Variants in TAF7L observed in about 807,000 individuals in gnomAD.
TAF7L encodes the protein TATA-box binding protein associated factor 7 like.
A neutral mutation model predicts 30.2 loss-of-function variants in TAF7L; 6 were observed. That is an observed-to-expected ratio of 0.20 (90% CI 0.11 to 0.39). TAF7L has a LOEUF of 0.39. Ranked by LOEUF, TAF7L falls within the 10% of genes least tolerant of loss-of-function variation. The probability of loss-of-function intolerance (pLI) is 1.00; values close to 1 mark genes in which losing one functional copy is unlikely to be tolerated. For synonymous variants in TAF7L, 93 were observed against 94.5 expected (o/e 0.98, Z 0.09); for missense variants, 284 against 277.1 (o/e 1.03, Z -0.18).
chrX:101,275,324 GA>G (rs199961591), intron 11 of TAF7L, 43 bp from the exon 12 acceptor site: 197,881 of 627,225 alleles, frequency 0.32, 11,508 homozygotes, highest in African/African-American at 0.51. Context: ...GAGTCTCAAA[GA>G]AAAAAAAAAA....
At position 101,286,665 on chromosome X, in the gene TAF7L, G is replaced by A; in HGVS notation, c.67-12C>T. ...GTACAAGCATGTTCCTAAAAAGGAG[G>A]TAAATTGAAAAATCAGAAGAACTAA... is the stretch of plus-strand genomic sequence containing the variant. On this transcript the variant is annotated splice_polypyrimidine_tract_variant and intron_variant, in intron 2 of 12. Coordinates refer to ENST00000356784, the MANE Select transcript of TAF7L (RefSeq NM_001168474.2). The A allele has an allele frequency of 8.5e-7, 1 of 1,178,179 alleles. No homozygotes were observed.
upstream of TAF7L, chrX:101,292,954 G>T (rs1221659962): frequency 1.7e-6 from 2 of 1,208,135 alleles, no homozygotes; most frequent in Admixed American, 4.4e-5. Context: ...AAGAATTTGG[G>T]GTTCTTGTTG....
At chrX:101,286,252 G>A (rs763456804) in intron 3 of TAF7L, among the ~76,000 whole-genome samples, 16 of 110,687 alleles carry the variant, frequency 1.4e-4, no homozygotes, top group African/African-American at 5.2e-4. Context: ...ACAAAGAATG[G>A]CATATCCATT....
chrX:101,275,919 A>G, intron 11 of TAF7L, 81 bp downstream of exon 11: 2 of 691,191 alleles, frequency 2.9e-6, no homozygotes, highest in Non-Finnish European at 4.4e-6. Flanking sequence ...AACCCTGCAC[A>G]GAGATAACAT....
At chrX:101,283,030 G>T (rs971920113) in intron 4 of TAF7L, among the ~76,000 whole-genome samples, 8 of 111,791 alleles carry the variant, frequency 7.2e-5, no homozygotes, top group Non-Finnish European at 1.3e-4. Context: ...CCAAAGTGTA[G>T]GGATTATAGG....
upstream of TAF7L, among the ~76,000 whole-genome samples, chrX:101,292,066 CG>C (rs1924827554): frequency 9.6e-6 from 1 of 103,666 alleles, no homozygotes; most frequent in African/African-American, 3.5e-5. Context: ...GTTGAAACCC[CG>C]TCTCTACTAA....
Position 101,276,070 on chromosome X carries a change from A to G in TAF7L, c.956T>C (p.Leu319Pro). The G allele has an allele frequency of 8.3e-7, 1 of 1,206,775 alleles. No individual in the cohort carries two copies. The highest frequency in any genetic ancestry group is 1.1e-6 in the Non-Finnish European group (1 of 893,959). The part of the protein sequence containing the change: ...QKQIEKKEKK[L>P]HKIQNKAQRQ... Reference sequence around the variant, plus strand: ...TTGTGCTTTATTCTGAATCTTATGGAGCTTTTTCTCCTTTTTCTCAATCTG... The same window carrying G: ...TTGTGCTTTATTCTGAATCTTATGGGGCTTTTTCTCCTTTTTCTCAATCTG... The change falls in exon 11 of 13, where the codon CTC (leucine) becomes CCC (proline). Residue 319 changes from leucine to proline, a missense_variant. Transcript: ENST00000356784.
At position 101,291,302 on chromosome X, in the gene TAF7L, GCGT is replaced by G. The variant is rs1312384638; in HGVS notation, c.-84_-82del. On this transcript the variant is annotated 5_prime_UTR_variant, in exon 1 of 13. Transcript: ENST00000356784. Reference sequence around the variant, plus strand: ...GGTCTGTGGGTTCCGGACGAACCGCGCGTGGGCTCCCGCGCGGAACGTAGAGGC... The same window carrying G: ...GGTCTGTGGGTTCCGGACGAACCGCGGGGCTCCCGCGCGGAACGTAGAGGC... The G allele has an allele frequency of 5.3e-6, 4 of 752,796 alleles. No homozygotes were observed. The African/African-American group carries it at 9.2e-5, about 17-fold the overall frequency. 62.0% of individuals were successfully genotyped at this position (752,796 alleles called of 1,213,427 possible). A position where few individuals can be genotyped will look rare whatever the true frequency, so the allele number is the denominator to read the frequency against.
At position 101,276,353 on chromosome X, in the gene TAF7L, A is replaced by G. The variant is rs1164319849; in HGVS notation, c.867T>C (p.Phe289=). ...TTGCCCTATACTGGCCAGATTCAAT[A>G]AACTCGGCCTGCAGCTGCCTTTCCA... ...EYLERQLQAE[F]IESGQYRANE... Residue 289 remains phenylalanine (F), a synonymous_variant, in exon 10 of 13, where the codon TTT becomes TTC. Coordinates refer to ENST00000356784, the MANE Select transcript of TAF7L (RefSeq NM_001168474.2). 9.1e-6 allele frequency: 11 copies of G among 1,209,010 alleles called. No individual in the cohort carries two copies. Among genetic ancestry groups the G allele is most frequent in the Non-Finnish European group, 1.2e-5 (11 of 895,065 alleles).
At position 101,281,765 on chromosome X, in the gene TAF7L, T is replaced by C. The variant is rs1602957498; in HGVS notation, c.417A>G (p.Pro139=). ...KCVWKHGITP[P]LKNVRKKRFR... ...ACCTTTTCTTTCTGACATTCTTAAG[T>C]GGTGGCGTAACTAAAATAAATACAA... The change falls in exon 6 of 13, where the codon CCA becomes CCG. Residue 139 remains proline (P), a synonymous_variant. Transcript: ENST00000356784. 52 of 1,209,673 alleles carry C rather than the reference T, an allele frequency of 4.3e-5. 3 individuals carry two copies. Among genetic ancestry groups the C allele is most frequent in the African/African-American group, 3.1e-4 (18 of 57,653 alleles).
intron 5 of TAF7L, 108 bp from the exon 6 acceptor site, chrX:101,281,883 T>C (rs1602957597): frequency 5.7e-6 from 3 of 526,364 alleles, no homozygotes; most frequent in Non-Finnish European, 5.6e-6. Flanking sequence ...ATGACATCAC[T>C]CCTTTTTTTT....
chrX:101,282,886 C>A (rs953229104), intron 4 of TAF7L, among the ~76,000 whole-genome samples: 1 of 111,081 alleles, frequency 9.0e-6, no homozygotes, highest in Non-Finnish European at 1.9e-5. Context: ...CCACCTCAAT[C>A]TCTAGAATAG....
upstream of TAF7L, among the ~76,000 whole-genome samples, chrX:101,291,850 G>A (rs1286537850): frequency 7.4e-5 from 7 of 94,828 alleles, no homozygotes; most frequent in African/African-American, 2.3e-4. Context: ...TGGCGACAGA[G>A]TGAGACTCTG....
chrX:101,281,710 T>C lies in TAF7L; in HGVS notation c.462+10A>G, dbSNP rs1924412645. ...CGGCCCGGCAGACACACAAATAGCA[T>C]GTAACTAACCTTTTTTTGTGTTTTC... On this transcript the variant is annotated intron_variant, in intron 6 of 12. Transcript: ENST00000356784. 4 of 1,209,478 alleles carry C rather than the reference T, an allele frequency of 3.3e-6. No individual in the cohort carries two copies. The highest frequency in any genetic ancestry group is 1.7e-5 in the African/African-American group (1 of 57,708).
chrX:101,275,301 A>G lies in TAF7L; in HGVS notation c.1027-20T>C, dbSNP rs1278022927. Reference sequence around the variant, plus strand: ...ATGATTCTGAAAAATAAATTGTATAAATGATGAACACTGAGTCTCAAAGAA... The same window carrying G: ...ATGATTCTGAAAAATAAATTGTATAGATGATGAACACTGAGTCTCAAAGAA... On this transcript the variant is annotated intron_variant, in intron 11 of 12. Coordinates refer to ENST00000356784, the MANE Select transcript of TAF7L (RefSeq NM_001168474.2). The G allele has an allele frequency of 1.9e-6, 2 of 1,058,273 alleles. No individual in the cohort carries two copies. Among genetic ancestry groups the G allele is most frequent in the Non-Finnish European group, 2.5e-6 (2 of 785,486 alleles). The allele number at this position is 1,058,273 out of a possible 1,213,427, so 87.2% of individuals were successfully genotyped here.
At chrX:101,282,139 G>A (rs1223476125) in intron 5 of TAF7L, among the ~76,000 whole-genome samples, 188 bp downstream of exon 5, 1 of 111,029 alleles carries the variant, frequency 9.0e-6, no homozygotes, top group Admixed American at 9.6e-5. Context: ...ACCCGCCTCG[G>A]CCTCCCAAAG....
In TAF7L at chrX:101,279,043, A is replaced by G. The variant is rs1019121463; in HGVS notation, c.463-8T>C. On this transcript the variant is annotated splice_region_variant and splice_polypyrimidine_tract_variant and intron_variant, in intron 6 of 12. Transcript: ENST00000356784. Reference sequence around the variant, plus strand: ...TTCTTTGACATCAGGGACCTATGAAATAAAACACAATAAACAAGTTATATT... The same window carrying G: ...TTCTTTGACATCAGGGACCTATGAAGTAAAACACAATAAACAAGTTATATT... 8.5e-7 allele frequency: 1 copy of G among 1,182,643 alleles called. No homozygotes were observed. Among genetic ancestry groups the G allele is most frequent in the African/African-American group, 1.7e-5 (1 of 57,261 alleles).
rs751298485 is a variant in TAF7L at position 101,269,147 on chromosome X, T to C, written c.*46A>G. The C allele has an allele frequency of 2.8e-5, 32 of 1,146,756 alleles. No homozygotes were observed. The highest frequency in any genetic ancestry group is 3.6e-5 in the African/African-American group (2 of 56,036). The allele number at this position is 1,146,756 out of a possible 1,213,427, so 94.5% of individuals were successfully genotyped here. A position where few individuals can be genotyped will look rare whatever the true frequency, so the allele number is the denominator to read the frequency against. On this transcript the variant is annotated 3_prime_UTR_variant, in exon 13 of 13. Transcript: ENST00000356784. ...GTGCACAGTTTCATCCAATCTGCAG[T>C]CTGGATGGTGAATCCAAGGTTTGTG...
At chrX:101,280,486 T>C (rs756111847) in intron 6 of TAF7L, among the ~76,000 whole-genome samples, 40 of 111,677 alleles carry the variant, frequency 3.6e-4, no homozygotes, top group Non-Finnish European at 6.2e-4. Flanking sequence ...CAACACCTAA[T>C]GCTGGTGAGG....
Sources: allele counts gnomAD v4.1 joint callset (sites outside exome capture counted in the v4.1 genomes callset), GRCh38; gene constraint gnomAD v4.1.1; transcripts MANE v1.5; gene names NCBI Gene and HGNC (gene_info 2026-07-23, HGNC 2026-07-21).